Variants in PPP2R1B observed in about 807,000 individuals in gnomAD.
PPP2R1B encodes protein phosphatase 2 scaffold subunit Abeta.
PPP2R1B carries 58 observed loss-of-function variants against 72.7 expected under a neutral mutation model. The observed-to-expected ratio is 0.80, with a 90% CI of 0.65 to 0.99. The LOEUF (loss-of-function observed/expected upper bound fraction) is 0.99, where lower values mean the gene tolerates loss of function less well. PPP2R1B is among the 50% of genes least tolerant of loss of function. The pLI is 0.00. For synonymous variants in PPP2R1B, 256 were observed against 264.6 expected (o/e 0.97, Z 0.32); for missense variants, 695 against 733.6 (o/e 0.95, Z 0.61).
intron 10 of PPP2R1B, among the ~76,000 whole-genome samples, chr11:111,751,056 C>T (rs898796717): frequency 8.5e-5 from 13 of 152,160 alleles, no homozygotes; most frequent in Admixed American, 3.9e-4. Context: ...CCAGGCTGGT[C>T]TGGAACTCCT....
chr11:111,766,131 T>C, intron 1 of PPP2R1B, 117 bp downstream of exon 1: 1 of 941,548 alleles, frequency 1.1e-6, no homozygotes, highest in South Asian at 1.5e-5. Flanking sequence ...TTCAAGTTTC[T>C]GCTACGAGTC....
downstream of PPP2R1B, chr11:111,726,871 T>C (rs1401644117): frequency 7.1e-6 from 8 of 1,129,992 alleles, no homozygotes; most frequent in East Asian, 9.7e-5. Context: ...GAAGAGACTT[T>C]GGTGAGATGA....
At chr11:111,702,487 G>T in the PPP2R1B span, among the ~76,000 whole-genome samples, 2 of 152,174 alleles carry the variant, frequency 1.3e-5, no homozygotes, top group Non-Finnish European at 2.9e-5. Context: ...TACTCAGGAA[G>T]CTGAGGCAGA....
intron 1 of PPP2R1B, chr11:111,765,885 T>C (rs1555052918): frequency 1.2e-5 from 6 of 494,456 alleles, no homozygotes; most frequent in South Asian, 9.2e-5. Context: ...CCTCAGCCGC[T>C]CCAGCCCCGT....
At chr11:111,721,303 C>T in the PPP2R1B span, among the ~76,000 whole-genome samples, 3 of 152,182 alleles carry the variant, frequency 2.0e-5, no homozygotes, top group African/African-American at 7.2e-5. Context: ...CTGTTTTTGG[C>T]TCACAGGGCA....
chr11:111,759,487 A>G (rs1313033683), intron 5 of PPP2R1B, among the ~76,000 whole-genome samples: 1 of 152,200 alleles, frequency 6.6e-6, no homozygotes, highest in East Asian at 1.9e-4. Context: ...ACTCCCTCAT[A>G]TTACAATACA....
downstream of PPP2R1B, among the ~76,000 whole-genome samples, chr11:111,734,724 G>A (rs2136018649): frequency 6.6e-6 from 1 of 152,340 alleles, no homozygotes; most frequent in South Asian, 2.1e-4. Context: ...GTCTTTCTGG[G>A]TTCAAGAGAA....
the PPP2R1B span, among the ~76,000 whole-genome samples, chr11:111,711,719 C>T: frequency 6.6e-6 from 1 of 152,190 alleles, no homozygotes; most frequent in Non-Finnish European, 1.5e-5. Flanking sequence ...TACCATCTCA[C>T]CTACACCAAA....
At chr11:111,712,415 C>T in the PPP2R1B span, 10 of 1,580,538 alleles carry the variant, frequency 6.3e-6, no homozygotes, top group Admixed American at 9.0e-5. Context: ...GGCAGTTTGG[C>T]GAGAGATTTC....
At chr11:111,764,202 C>T (rs1012279611) in intron 3 of PPP2R1B, among the ~76,000 whole-genome samples, 4 of 151,592 alleles carry the variant, frequency 2.6e-5, no homozygotes, top group Admixed American at 2.0e-4. Flanking sequence ...TCATTAGATT[C>T]ATTTTGGTGG....
rs1482573187 is a variant in PPP2R1B at position 111,742,633 on chromosome 11, A to T, written c.1587T>A (p.Thr529=). 5.6e-6 allele frequency: 9 copies of T among 1,613,372 alleles called. No individual in the cohort carries two copies. Among genetic ancestry groups the T allele is most frequent in the Non-Finnish European group, 7.6e-6 (9 of 1,179,834 alleles). Residue 529 remains threonine, a synonymous_variant, in exon 13 of 15, where the codon ACT becomes ACA. Transcript: ENST00000527614. ...ALSEACGQEI[T]TKQMLPIVLK... ...ATACGATGGGCAGCATTTGCTTAGT[A>T]GTTATTTCCTGACCACAGGCCTCAG...
At chr11:111,755,825 A>G (rs1945092420) in intron 5 of PPP2R1B, among the ~76,000 whole-genome samples, 1 of 151,994 alleles carries the variant, frequency 6.6e-6, no homozygotes, top group Non-Finnish European at 1.5e-5. Flanking sequence ...CCTGACCTCA[A>G]ATGATCCACC....
At chr11:111,753,625 C>G (rs1944996695) in intron 8 of PPP2R1B, 48 bp from the exon 9 acceptor site, 2 of 1,547,766 alleles carry the variant, frequency 1.3e-6, no homozygotes, top group Admixed American at 1.9e-5. Context: ...ACAACAGAAA[C>G]TTCCATACCA....
exon 16 of PPP2R1B, chr11:111,726,962 G>A (rs745360020): frequency 6.2e-7 from 1 of 1,612,976 alleles, no homozygotes; most frequent in African/African-American, 1.3e-5. Flanking sequence ...TAAATCTGGG[G>A]TATTAGTCTG....
chr11:111,742,320 A>G, intron 13 of PPP2R1B, 176 bp from the exon 14 acceptor site: 3 of 750,670 alleles, frequency 4.0e-6, no homozygotes, highest in Non-Finnish European at 6.3e-6. Context: ...TCAGCTTCAG[A>G]CAAGGATCTA....
chr11:111,745,185 G>A (rs1297100986), intron 11 of PPP2R1B, among the ~76,000 whole-genome samples: 1 of 151,608 alleles, frequency 6.6e-6, no homozygotes. Flanking sequence ...CTGAGTAGCT[G>A]GGATTACAGG....
At chr11:111,710,423 T>C in the PPP2R1B span, among the ~76,000 whole-genome samples, 3 of 152,242 alleles carry the variant, frequency 2.0e-5, no homozygotes, top group Non-Finnish European at 2.9e-5. Flanking sequence ...CCAGTGATAT[T>C]AATATTGGAA....
the PPP2R1B span, among the ~76,000 whole-genome samples, chr11:111,715,414 T>A: frequency 6.6e-6 from 1 of 152,234 alleles, no homozygotes; most frequent in East Asian, 1.9e-4. Context: ...GATTGATGCT[T>A]CATTGCTGCA....
downstream of PPP2R1B, chr11:111,723,872 T>C (rs1027888509): frequency 2.2e-6 from 3 of 1,384,766 alleles, no homozygotes; most frequent in African/African-American, 4.6e-5. Flanking sequence ...CCCAGCCCCC[T>C]TACAGTTCTC....
Sources: allele counts gnomAD v4.1 joint callset (sites outside exome capture counted in the v4.1 genomes callset), GRCh38; gene constraint gnomAD v4.1.1; transcripts MANE v1.5; gene names NCBI Gene and HGNC (gene_info 2026-07-23, HGNC 2026-07-21).